The following EDARADD variants were observed in gnomAD, a reference collection of about 807,000 sequenced individuals.
The protein encoded by EDARADD is ectodysplasin-A receptor-associated adapter protein.
A neutral mutation model predicts 25.6 loss-of-function variants in EDARADD; 20 were observed. The observed-to-expected ratio is 0.78, with a 90% CI of 0.55 to 1.14. The LOEUF (loss-of-function observed/expected upper bound fraction) is 1.14, where lower values mean the gene tolerates loss of function less well. EDARADD is among the 50% of genes most tolerant of loss of function. EDARADD has a pLI of 0.00. For synonymous variants in EDARADD, 86 were observed against 94.4 expected, an observed-to-expected ratio of 0.91 and a Z score of 0.52; for missense variants, 225 against 270.1, an observed-to-expected ratio of 0.83 and a Z score of 1.17.
intron 4 of EDARADD, among the ~76,000 whole-genome samples, chr1:236,448,471 A>T (rs1441659161): frequency 6.6e-6 from 1 of 152,212 alleles, no homozygotes; most frequent in East Asian, 1.9e-4. Flanking sequence ...CCACAATGAC[A>T]GCCCCAGCTG....
intron 5 of EDARADD, among the ~76,000 whole-genome samples, chr1:236,471,499 C>G (rs1659359609): frequency 6.6e-6 from 1 of 152,050 alleles, no homozygotes; most frequent in Non-Finnish European, 1.5e-5. Flanking sequence ...GATTATACCC[C>G]CTTAATAACC....
At chr1:236,383,564 A>G (rs1220724477) in intron 3 of EDARADD, among the ~76,000 whole-genome samples, 1 of 152,158 alleles carries the variant, frequency 6.6e-6, no homozygotes, top group Admixed American at 6.5e-5. Context: ...GGCAGAAGGG[A>G]AAATCTTGTT....
At chr1:236,477,583 G>A (rs1031842138) in intron 5 of EDARADD, among the ~76,000 whole-genome samples, 2 of 152,128 alleles carry the variant, frequency 1.3e-5, no homozygotes, top group Non-Finnish European at 2.9e-5. Flanking sequence ...GGAAGACTTC[G>A]TGGAAAGGGA....
At chr1:236,352,853 T>C (rs2102989594) in intron 3 of EDARADD, among the ~76,000 whole-genome samples, 1 of 151,872 alleles carries the variant, frequency 6.6e-6, no homozygotes. Context: ...ATCTCATAAA[T>C]AAATAAATAA....
chr1:236,457,388 G>A (rs745546021), intron 4 of EDARADD, among the ~76,000 whole-genome samples: 1 of 152,096 alleles, frequency 6.6e-6, no homozygotes, highest in South Asian at 2.1e-4. Flanking sequence ...TGTGGTGCAT[G>A]CCTGTAGTCG....
chr1:236,374,184 T>C (rs1336310015), intron 3 of EDARADD, among the ~76,000 whole-genome samples: 1 of 152,190 alleles, frequency 6.6e-6, no homozygotes, highest in Non-Finnish European at 1.5e-5. Flanking sequence ...ATCAAGTTGA[T>C]TGATGGTGCT....
intron 4 of EDARADD, among the ~76,000 whole-genome samples, chr1:236,463,884 G>T (rs1263772402): frequency 1.3e-5 from 2 of 152,108 alleles, no homozygotes; most frequent in Non-Finnish European, 2.9e-5. Flanking sequence ...TCCATCCCTT[G>T]CTCCTTGAAT....
intron 4 of EDARADD, among the ~76,000 whole-genome samples, chr1:236,466,338 A>G (rs1426425872): frequency 6.6e-6 from 1 of 152,156 alleles, no homozygotes; most frequent in Non-Finnish European, 1.5e-5. Context: ...AAGGTTGCAT[A>G]GAGAGAGATT....
intron 2 of EDARADD, among the ~76,000 whole-genome samples, chr1:236,412,789 A>G (rs1447872750): frequency 6.6e-6 from 1 of 152,188 alleles, no homozygotes; most frequent in Admixed American, 6.5e-5. Context: ...CTATGTTACA[A>G]TCTGGGAATG....
chr1:236,401,148 T>G (rs1667606669), intron 1 of EDARADD, among the ~76,000 whole-genome samples: 1 of 151,580 alleles, frequency 6.6e-6, no homozygotes, highest in Admixed American at 6.6e-5. Flanking sequence ...ATCACACTGC[T>G]GCACTACAGC....
intron 4 of EDARADD, among the ~76,000 whole-genome samples, chr1:236,467,790 C>T (rs1249615124): frequency 1.0e-4 from 15 of 150,406 alleles, no homozygotes; most frequent in Admixed American, 8.6e-4. Context: ...TGAGATCTTG[C>T]GCTGTCTTTC....
chr1:236,437,803 G>A lies in EDARADD; in HGVS notation c.219+10353G>A, dbSNP rs528788897. 2.2e-5 allele frequency among the ~76,000 whole-genome samples: 3 copies of A among 137,224 alleles called. No homozygotes were observed. In the South Asian group the frequency reaches 6.7e-4, roughly 31 times the overall value. 90.0% of individuals were successfully genotyped at this position (137,224 alleles called of 152,430 possible). On this transcript the variant is annotated intron_variant, in intron 4 of 5. Coordinates refer to ENST00000334232, the MANE Select transcript of EDARADD (RefSeq NM_145861.4). ...GTCACCCAGGCCAGAGTGCAATGGC[G>A]TGATCTCAGATCTCAGCCCACTGCG...
intron 3 of EDARADD, among the ~76,000 whole-genome samples, chr1:236,425,656 C>T (rs114979005): frequency 1.3e-5 from 2 of 152,152 alleles, no homozygotes; most frequent in East Asian, 1.9e-4. Flanking sequence ...GTGCTACCAC[C>T]GTCTTTACAG....
intron 3 of EDARADD, among the ~76,000 whole-genome samples, chr1:236,359,693 G>A (rs1286696999): frequency 2.0e-5 from 3 of 152,192 alleles, no homozygotes; most frequent in African/African-American, 7.2e-5. Flanking sequence ...AATAGAGAGA[G>A]CTCGTGCAGG....
intron 3 of EDARADD, among the ~76,000 whole-genome samples, chr1:236,360,138 G>T (rs1055831616): frequency 4.6e-5 from 7 of 151,952 alleles, no homozygotes; most frequent in Admixed American, 1.3e-4. Context: ...AACATAGCAA[G>T]AGCTTGTCTC....
intron 2 of EDARADD, among the ~76,000 whole-genome samples, chr1:236,349,767 G>A (rs150015505): frequency 6.6e-6 from 1 of 151,514 alleles, no homozygotes; most frequent in Non-Finnish European, 1.5e-5. Flanking sequence ...GCTCTTAGTT[G>A]ATTATCTCCT....
Position 236,471,026 on chromosome 1 carries a change from C to T in EDARADD, c.265+2750C>T, listed in dbSNP as rs780301382. Among the ~76,000 whole-genome samples, 14 of 152,278 alleles carry T rather than the reference C, an allele frequency of 9.2e-5. 1 individual carries two copies. The South Asian group carries it at 1.2e-3, about 14-fold the overall frequency. On this transcript the variant is annotated intron_variant, in intron 5 of 5. Transcript: ENST00000334232. Reference sequence around the variant, plus strand: ...CCAAAGTGCTGGCATTACAGGCCTCCGCCACCGCACCCAGCCCAACCTGGG... The same window carrying T: ...CCAAAGTGCTGGCATTACAGGCCTCTGCCACCGCACCCAGCCCAACCTGGG...
At chr1:236,377,017 TTC>T (rs1667232180) in intron 3 of EDARADD, among the ~76,000 whole-genome samples, 3 of 151,810 alleles carry the variant, frequency 2.0e-5, no homozygotes, top group Admixed American at 2.0e-4. Flanking sequence ...TCTGTAGCAT[TTC>T]TTTTTTGATT....
At position 236,469,438 on chromosome 1, in the gene EDARADD, A is replaced by G. The variant is rs181942817; in HGVS notation, c.265+1162A>G. On this transcript the variant is annotated intron_variant, in intron 5 of 5. Transcript: ENST00000334232. ...CAGTGAGCTGAGACTGCACCACTGC[A>G]TTCCAGCCTGGGTGACAGAGCAAGA... Among the ~76,000 whole-genome samples, 145 of 152,320 alleles carry G rather than the reference A, an allele frequency of 9.5e-4. 1 individual carries two copies. The highest frequency in any genetic ancestry group is 1.7e-3 in the Non-Finnish European group (118 of 68,030).
Sources: allele counts gnomAD v4.1 joint callset (sites outside exome capture counted in the v4.1 genomes callset), GRCh38; gene constraint gnomAD v4.1.1; transcripts MANE v1.5; gene names NCBI Gene and HGNC (gene_info 2026-07-23, HGNC 2026-07-21).